PDGFC: variants seen among roughly 807,000 people sequenced by gnomAD.
PDGFC encodes platelet derived growth factor C.
Under a neutral mutation model 35.5 loss-of-function variants are expected in PDGFC, and 12 were observed. The observed-to-expected ratio is 0.34, with a 90% confidence interval of 0.22 to 0.55. The LOEUF is 0.55. Among genes scored for constraint, PDGFC ranks in the 20% least tolerant of loss-of-function variants. The pLI, the probability that PDGFC is intolerant of heterozygous loss-of-function variation, is 0.91. For missense variants in PDGFC, 322 were observed against 412.4 expected, an observed-to-expected ratio of 0.78 and a Z score of 1.90; for synonymous variants, 159 against 148.8, an observed-to-expected ratio of 1.07 and a Z score of -0.50.
At chr4:156,774,340 T>TC (rs1172548267) in intron 3 of PDGFC, 5 of 152,178 alleles carry the variant, frequency 3.3e-5, no homozygotes, top group African/African-American at 1.2e-4. Flanking sequence ...GCAAAAACTC[T>TC]CCCCCCGTTG....
At chr4:156,951,715 T>A (rs1732086436) in intron 1 of PDGFC, among the ~76,000 whole-genome samples, 1 of 148,680 alleles carries the variant, frequency 6.7e-6, no homozygotes, top group South Asian at 2.1e-4. Flanking sequence ...AGCCTGAATA[T>A]CCACTCTACC....
chr4:156,775,895 C>T, intron 3 of PDGFC, among the ~76,000 whole-genome samples: 1 of 152,104 alleles, frequency 6.6e-6, no homozygotes, highest in Admixed American at 6.6e-5. Context: ...CAGTGGTCCC[C>T]ACCCAGAAAA....
chr4:156,834,934 C>T (rs779044251), intron 2 of PDGFC, among the ~76,000 whole-genome samples: 3 of 150,036 alleles, frequency 2.0e-5, no homozygotes, highest in African/African-American at 4.9e-5. Context: ...AAAAAAAAAA[C>T]ACAACTGAAC....
At chr4:156,849,757 C>G (rs1729408611) in intron 2 of PDGFC, among the ~76,000 whole-genome samples, 2 of 152,020 alleles carry the variant, frequency 1.3e-5, no homozygotes, top group Non-Finnish European at 2.9e-5. Flanking sequence ...CTTCTTAGTC[C>G]TGTGCATGGG....
At chr4:156,795,204 G>A (rs1346107306) in intron 3 of PDGFC, among the ~76,000 whole-genome samples, 1 of 152,100 alleles carries the variant, frequency 6.6e-6, no homozygotes, top group African/African-American at 2.4e-5. Context: ...ATGAGTTATT[G>A]CTTCTTTGAA....
intron 1 of PDGFC, among the ~76,000 whole-genome samples, chr4:156,858,945 T>C (rs1195857076): frequency 6.6e-6 from 1 of 152,092 alleles, no homozygotes; most frequent in African/African-American, 2.4e-5. Context: ...GGAAAGTAGC[T>C]ACCTATTACT....
rs199544576 is a variant in PDGFC, at chr4:156,950,665, C to CT, written c.118+20120dup. Among the ~76,000 whole-genome samples the CT allele has an allele frequency of 1.9e-3, 287 of 150,862 alleles. 1 individual carries two copies. Among genetic ancestry groups the CT allele is most frequent in the Admixed American group, 6.4e-3 (96 of 15,064 alleles). On this transcript the variant is annotated intron_variant, in intron 1 of 5. Coordinates refer to ENST00000502773, the MANE Select transcript of PDGFC (RefSeq NM_016205.3). ...AAACCTAAGAGGTAGAAGAAAAGTT[C>CT]TTTTTTTTTCCTCTCCACTATAGTT...
chr4:156,960,326 ACTTTT>A (rs1467557671), intron 1 of PDGFC, among the ~76,000 whole-genome samples: 1 of 149,486 alleles, frequency 6.7e-6, no homozygotes, highest in Admixed American at 6.7e-5. Flanking sequence ...TACTGACTTT[ACTTTT>A]ATTTCTAAAC....
chr4:156,920,246 C>G (rs544557919), intron 1 of PDGFC, among the ~76,000 whole-genome samples: 1 of 152,338 alleles, frequency 6.6e-6, no homozygotes, highest in East Asian at 1.9e-4. Flanking sequence ...CATACCAACA[C>G]AAAGCCTAAC....
intron 3 of PDGFC, among the ~76,000 whole-genome samples, chr4:156,780,727 G>T (rs1730955314): frequency 6.6e-6 from 1 of 152,112 alleles, no homozygotes; most frequent in South Asian, 2.1e-4. Context: ...GAGGGCAACA[G>T]AAAAATCCCC....
chr4:156,840,959 C>T (rs1210360123), intron 2 of PDGFC, among the ~76,000 whole-genome samples: 1 of 152,120 alleles, frequency 6.6e-6, no homozygotes, highest in Non-Finnish European at 1.5e-5. Flanking sequence ...GCCTGTACCC[C>T]CATTGTATCT....
intron 3 of PDGFC, among the ~76,000 whole-genome samples, chr4:156,790,471 G>A (rs900530298): frequency 7.2e-5 from 11 of 152,108 alleles, no homozygotes; most frequent in African/African-American, 2.7e-4. Context: ...TTGTTTGGGA[G>A]GAAAGGAGAT....
chr4:156,811,693 C>G (rs1731935499), intron 2 of PDGFC, among the ~76,000 whole-genome samples: 1 of 152,084 alleles, frequency 6.6e-6, no homozygotes, highest in Admixed American at 6.6e-5. Flanking sequence ...TCACTATACA[C>G]AGTATCTTAA....
chr4:156,771,988 A>G (rs1350011602), intron 4 of PDGFC, among the ~76,000 whole-genome samples: 1 of 152,160 alleles, frequency 6.6e-6, no homozygotes, highest in Non-Finnish European at 1.5e-5. Context: ...ATTATTTCCA[A>G]TTTCTTGGCC....
chr4:156,820,809 T>C (rs1004072480), intron 2 of PDGFC, among the ~76,000 whole-genome samples: 1 of 152,066 alleles, frequency 6.6e-6, no homozygotes, highest in Non-Finnish European at 1.5e-5. Flanking sequence ...GTGAATAGCA[T>C]AAAATTTCAA....
intron 4 of PDGFC, among the ~76,000 whole-genome samples, chr4:156,771,451 CG>C (rs1455161323): frequency 1.3e-5 from 2 of 152,084 alleles, no homozygotes; most frequent in Non-Finnish European, 2.9e-5. Context: ...AAGTGTTGCT[CG>C]TAAGTTATTC....
At chr4:156,824,006 T>G (rs1732348165) in intron 2 of PDGFC, among the ~76,000 whole-genome samples, 1 of 152,042 alleles carries the variant, frequency 6.6e-6, no homozygotes, top group Admixed American at 6.6e-5. Context: ...TGATCTCATT[T>G]ATATGTGAAA....
At position 156,971,641 on chromosome 4, in the gene PDGFC, A is replaced by G. The variant is rs1294432227; in HGVS notation, c.-738T>C. The stretch of plus-strand genomic sequence containing the variant: ...CACCTGGCTTGAGTTTTCCGCGACC[A>G]AAGTTCACCTTGTTCGGGCTCGTCC... On this transcript the variant is annotated 5_prime_UTR_variant, in exon 1 of 6. Transcript: ENST00000502773. 6.6e-6 allele frequency among the ~76,000 whole-genome samples: 1 copy of G among 151,632 alleles called. No homozygotes were observed. Among genetic ancestry groups the G allele is most frequent in the Non-Finnish European group, 1.5e-5 (1 of 67,882 alleles).
intron 2 of PDGFC, among the ~76,000 whole-genome samples, chr4:156,823,868 A>ATTCCAT (rs1316851048): frequency 2.0e-5 from 3 of 152,320 alleles, no homozygotes; most frequent in African/African-American, 7.2e-5. Context: ...AGGAAAGTGT[A>ATTCCAT]GTATATATAA....
Sources: allele counts gnomAD v4.1 joint callset (sites outside exome capture counted in the v4.1 genomes callset), GRCh38; gene constraint gnomAD v4.1.1; transcripts MANE v1.5; gene names NCBI Gene and HGNC (gene_info 2026-07-23, HGNC 2026-07-21).